Variants in KNTC1 observed in about 807,000 individuals in gnomAD.
KNTC1 encodes the protein kinetochore associated 1.
KNTC1 carries 253 observed loss-of-function variants against 314.4 expected under a neutral mutation model. The ratio of observed to expected loss-of-function variants is 0.80; its 90% CI spans 0.73 to 0.89. KNTC1 has a LOEUF of 0.89. Among genes scored for constraint, KNTC1 ranks in the 40% least tolerant of loss-of-function variants. The pLI, the probability that KNTC1 is intolerant of heterozygous loss-of-function variation, is 0.00. For missense variants in KNTC1, 2,475 were observed against 2,572.9 expected (o/e 0.96, Z 0.82); for synonymous variants, 901 against 901.4 (o/e 1.00, Z 0.01).
chr12:122,531,407 A>G (rs1961311602), intron 2 of KNTC1, among the ~76,000 whole-genome samples: 2 of 152,280 alleles, frequency 1.3e-5, no homozygotes, highest in South Asian at 4.1e-4. Flanking sequence ...GGGGTTGCCC[A>G]GGCTGGTCTT....
intron 26 of KNTC1, 86 bp downstream of exon 26, chr12:122,573,371 A>G (rs553374616): frequency 4.1e-6 from 5 of 1,225,328 alleles, no homozygotes; most frequent in Non-Finnish European, 2.3e-6. Context: ...AAGGAATGTC[A>G]TATGCTTTCT....
At chr12:122,539,032 C>T (rs780466453) in intron 4 of KNTC1, among the ~76,000 whole-genome samples, 5 of 152,318 alleles carry the variant, frequency 3.3e-5, no homozygotes, top group Middle Eastern at 3.4e-3. Flanking sequence ...TGCTAGAATC[C>T]TGATTTAGTA....
chr12:122,582,418 AAATG>A (rs1868542576), intron 33 of KNTC1, among the ~76,000 whole-genome samples: 1 of 152,012 alleles, frequency 6.6e-6, no homozygotes, highest in Non-Finnish European at 1.5e-5. Flanking sequence ...CCCTGCCTTA[AAATG>A]AATGAATGGA....
intron 18 of KNTC1, among the ~76,000 whole-genome samples, chr12:122,560,600 G>C (rs911948480): frequency 2.6e-5 from 4 of 152,096 alleles, no homozygotes; most frequent in African/African-American, 9.7e-5. Context: ...CTTGAACCCT[G>C]ACTTCAAGTG....
Position 122,618,349 on chromosome 12 carries a change from T to C in KNTC1, c.6037T>C (p.Tyr2013His), listed in dbSNP as rs1408082244. 6.2e-7 allele frequency: 1 copy of C among 1,613,634 alleles called. No individual in the cohort carries two copies. The highest frequency in any genetic ancestry group is 1.7e-5 in the Admixed American group (1 of 59,966). The change falls in exon 58 of 64, where the codon TAC becomes CAC. Residue 2013 changes from tyrosine to histidine, a missense_variant. Physicochemically the swap from Tyr to His is moderately conservative, Grantham distance 83. Coordinates refer to ENST00000333479, the MANE Select transcript of KNTC1 (RefSeq NM_014708.6). ...SSIHSLWQVP[Y>H]FSKAWQRVIQ... ...CGTGGACTTGTTTTCACAGGTTCCC[T>C]ACTTCAGCAAAGCGTGGCAGCGTGT...
intron 42 of KNTC1, among the ~76,000 whole-genome samples, chr12:122,592,342 C>T (rs961754179): frequency 1.4e-4 from 21 of 152,178 alleles, no homozygotes; most frequent in African/African-American, 4.6e-4. Context: ...CGAGCCTCCC[C>T]GACAAATGCC....
At chr12:122,569,347 T>G (rs532306729) in intron 21 of KNTC1, among the ~76,000 whole-genome samples, 1 of 152,346 alleles carries the variant, frequency 6.6e-6, no homozygotes, top group African/African-American at 2.4e-5. Context: ...TATAGAACAT[T>G]AGATCCATAA....
chr12:122,542,999 G>A (rs758324641), intron 6 of KNTC1, among the ~76,000 whole-genome samples: 2 of 151,936 alleles, frequency 1.3e-5, no homozygotes, highest in South Asian at 4.2e-4. Context: ...TGCAACCTCC[G>A]CTTCCCAGGT....
chr12:122,548,291 C>A (rs1962937656), intron 12 of KNTC1, among the ~76,000 whole-genome samples: 1 of 152,060 alleles, frequency 6.6e-6, no homozygotes, highest in African/African-American at 2.4e-5. Context: ...TCACTGCAAC[C>A]CCCCACCCCC....
chr12:122,618,341 A>T lies in KNTC1; in HGVS notation c.6031-2A>T. Reference sequence around the variant, plus strand: ...ATCCCAAACGTGGACTTGTTTTCACAGGTTCCCTACTTCAGCAAAGCGTGG... The same window carrying T: ...ATCCCAAACGTGGACTTGTTTTCACTGGTTCCCTACTTCAGCAAAGCGTGG... On this transcript the variant is annotated splice_acceptor_variant, in intron 57 of 63. Coordinates refer to ENST00000333479, the MANE Select transcript of KNTC1 (RefSeq NM_014708.6). LOFTEE classifies it high-confidence loss of function. 6.2e-7 allele frequency: 1 copy of T among 1,613,244 alleles called. No individual in the cohort carries two copies. The highest frequency in any genetic ancestry group is 8.5e-7 in the Non-Finnish European group (1 of 1,179,374).
In KNTC1 at chr12:122,603,251, C is replaced by G; in HGVS notation, c.5101+8C>G. On this transcript the variant is annotated splice_region_variant and intron_variant, in intron 48 of 63. Transcript: ENST00000333479. ...CCCAGGATATCCCTGAAGGTATGAG[C>G]TCTTCTTTTAAAATTGTAGTTAAAA... 2.0e-6 allele frequency: 3 copies of G among 1,528,490 alleles called. No homozygotes were observed. Among genetic ancestry groups the G allele is most frequent in the Non-Finnish European group, 2.6e-6 (3 of 1,133,910 alleles). The allele number at this position is 1,528,490 out of a possible 1,614,324, so 94.7% of individuals were successfully genotyped here.
intron 2 of KNTC1, among the ~76,000 whole-genome samples, chr12:122,530,752 A>T (rs921040468): frequency 5.3e-5 from 8 of 152,092 alleles, no homozygotes; most frequent in Admixed American, 5.2e-4. Flanking sequence ...CTCCCGGCAT[A>T]CAAAGAATAT....
intron 20 of KNTC1, among the ~76,000 whole-genome samples, chr12:122,566,236 C>T (rs866114417): frequency 1.6e-4 from 24 of 151,382 alleles, no homozygotes; most frequent in African/African-American, 4.6e-4. Flanking sequence ...CCACTGCGCC[C>T]GGCCTAAATC....
At chr12:122,544,687 TACTC>T (rs1205346265) in intron 8 of KNTC1, among the ~76,000 whole-genome samples, 1 of 152,254 alleles carries the variant, frequency 6.6e-6, no homozygotes, top group Non-Finnish European at 1.5e-5. Context: ...ACTGGTGACA[TACTC>T]ACAGGGACTG....
chr12:122,624,238 T>C (rs1874759273), intron 62 of KNTC1, among the ~76,000 whole-genome samples: 1 of 151,724 alleles, frequency 6.6e-6, no homozygotes. Context: ...GTCTTTACAT[T>C]TTAATTTTGA....
rs763486879 is a variant in KNTC1, at chr12:122,542,139, A to G, written c.523+12A>G. 3 of 1,411,842 alleles carry G rather than the reference A, an allele frequency of 2.1e-6. No homozygotes were observed. Among genetic ancestry groups the G allele is most frequent in the Non-Finnish European group, 2.9e-6 (3 of 1,039,756 alleles). 87.5% of individuals were successfully genotyped at this position (1,411,842 alleles called of 1,614,324 possible). A position where few individuals can be genotyped will look rare whatever the true frequency, so the allele number is the denominator to read the frequency against. ...AAAAATTCAACAAGGTAAGTAATAC[A>G]TTATATTTTTATTATTGATTTGCAG... On this transcript the variant is annotated intron_variant, in intron 6 of 63. Transcript: ENST00000333479.
At chr12:122,583,684 G>A (rs1452655602) in intron 34 of KNTC1, among the ~76,000 whole-genome samples, 5 of 152,018 alleles carry the variant, frequency 3.3e-5, no homozygotes, top group Non-Finnish European at 7.4e-5. Flanking sequence ...CTGTTAGTCG[G>A]GTGTGGTGGT....
intron 3 of KNTC1, among the ~76,000 whole-genome samples, chr12:122,536,072 T>A (rs1177473478): frequency 2.7e-5 from 4 of 148,088 alleles, no homozygotes; most frequent in African/African-American, 4.9e-5. Flanking sequence ...TTTTTGTATT[T>A]TTTTTTTTTT....
At position 122,604,634 on chromosome 12, in the gene KNTC1, G is replaced by A. The variant is rs770373434; in HGVS notation, c.5172G>A (p.Ser1724=). Residue 1724 remains serine, a synonymous_variant, in exon 49 of 64, where the codon TCG becomes TCA. Transcript: ENST00000333479. ...AGAGATGGCTACAGAATATCCCATC[G>A]CAGGTGTGTCTGAACTATCAGATTG... The part of the protein sequence containing the change: ...LAERWLQNIP[S]QDEKREKAEA... The A allele has an allele frequency of 3.3e-5, 53 of 1,590,352 alleles. No homozygotes were observed. Among genetic ancestry groups the A allele is most frequent in the South Asian group, 1.2e-4 (11 of 90,392 alleles).
Sources: allele counts gnomAD v4.1 joint callset (sites outside exome capture counted in the v4.1 genomes callset), GRCh38; gene constraint gnomAD v4.1.1; transcripts MANE v1.5; gene names NCBI Gene and HGNC (gene_info 2026-07-23, HGNC 2026-07-21).